The following ATP1B2 variants were observed in gnomAD, a reference collection of about 807,000 sequenced individuals.
The protein encoded by ATP1B2 is sodium/potassium-transporting ATPase subunit beta-2.
ATP1B2 carries 12 observed loss-of-function variants against 37.3 expected under a neutral mutation model. The ratio of observed to expected loss-of-function variants is 0.32; its 90% CI spans 0.21 to 0.52. The LOEUF (loss-of-function observed/expected upper bound fraction) is 0.52, where lower values mean the gene tolerates loss of function less well. Ranked by LOEUF, ATP1B2 falls within the 20% of genes least tolerant of loss-of-function variation. The pLI is 0.96. For synonymous variants in ATP1B2, 139 were observed against 140.5 expected (o/e 0.99, Z 0.07); for missense variants, 324 against 391.6 (o/e 0.83, Z 1.46).
At chr17:7,650,710 C>G (rs2072604705), upstream of ATP1B2, among the ~76,000 whole-genome samples, 1 of 152,056 alleles carries the variant, frequency 6.6e-6, no homozygotes, top group Non-Finnish European at 1.5e-5. Context: ...TCTCTTCCTC[C>G]CACCCTGTCC....
Position 7,655,461 on chromosome 17 carries a change from C to A in ATP1B2, c.610-66C>A. 6.8e-7 allele frequency: 1 copy of A among 1,470,596 alleles called. No individual in the cohort carries two copies. Among genetic ancestry groups the A allele is most frequent in the African/African-American group, 1.4e-5 (1 of 72,074 alleles). The allele number at this position is 1,470,596 out of a possible 1,614,324, so 91.1% of individuals were successfully genotyped here. ...GAAGAACAAAAGAACAAATGGAAGT[C>A]TGGTGAGCTCCTGGGTGCCTGCCAT... On this transcript the variant is annotated intron_variant, in intron 5 of 6. Transcript: ENST00000250111. The surrounding 1 kb of genome is among the most constrained non-coding windows in gnomAD (Gnocchi z 4.4).
chr17:7,656,047 C>T lies in ATP1B2; in HGVS notation c.*152C>T. On this transcript the variant is annotated 3_prime_UTR_variant, in exon 7 of 7. Coordinates refer to ENST00000250111, the MANE Select transcript of ATP1B2 (RefSeq NM_001678.5). ...ACATCCTTTTCCTTGACTTCTCAAC[C>T]CAGCCTGAAGTCCATTGCGGTTCCG... The T allele has an allele frequency of 9.3e-7, 1 of 1,080,842 alleles. No homozygotes were observed. The allele number at this position is 1,080,842 out of a possible 1,614,324, so 67.0% of individuals were successfully genotyped here.
In ATP1B2 at chr17:7,651,490, C is replaced by T; in HGVS notation, c.-29C>T. ...CCCGCTTCTCCGCAACCCCCCGCCC[C>T]GCGCCCGGACTCGCCCCGCGCCACC... On this transcript the variant is annotated 5_prime_UTR_variant, in exon 1 of 7. Coordinates refer to ENST00000250111, the MANE Select transcript of ATP1B2 (RefSeq NM_001678.5). The T allele has an allele frequency of 1.9e-6, 3 of 1,550,598 alleles. No individual in the cohort carries two copies. The highest frequency in any genetic ancestry group is 2.4e-5 in the South Asian group (2 of 84,672).
intron 1 of ATP1B2, among the ~76,000 whole-genome samples, chr17:7,653,127 C>T (rs2072624667): frequency 6.6e-6 from 1 of 152,134 alleles, no homozygotes; most frequent in Non-Finnish European, 1.5e-5. Context: ...AATAACAGAC[C>T]TCCACAAGGT....
chr17:7,651,228 A>G lies in ATP1B2; in HGVS notation c.-291A>G. 5.2e-6 allele frequency: 2 copies of G among 386,184 alleles called. No individual in the cohort carries two copies. The highest frequency in any genetic ancestry group is 9.6e-6 in the Non-Finnish European group (2 of 208,430). The allele number at this position is 386,184 out of a possible 1,614,324, so 23.9% of individuals were successfully genotyped here. A position where few individuals can be genotyped will look rare whatever the true frequency, so the allele number is the denominator to read the frequency against. On this transcript the variant is annotated 5_prime_UTR_variant, in exon 1 of 7. Coordinates refer to ENST00000250111, the MANE Select transcript of ATP1B2 (RefSeq NM_001678.5). ...TTCTAGACGGTTTGGTGGGGGGTGA[A>G]GCTGCATTCATACCCCTTCCTCTTG...
chr17:7,656,262 C>T lies in ATP1B2; in HGVS notation c.*367C>T. The T allele has an allele frequency of 3.8e-6, 1 of 261,760 alleles. No homozygotes were observed. Among genetic ancestry groups the T allele is most frequent in the Admixed American group, 4.9e-5 (1 of 20,588 alleles). 16.2% of individuals were successfully genotyped at this position (261,760 alleles called of 1,614,324 possible). A position where few individuals can be genotyped will look rare whatever the true frequency, so the allele number is the denominator to read the frequency against. On this transcript the variant is annotated 3_prime_UTR_variant, in exon 7 of 7. Coordinates refer to ENST00000250111, the MANE Select transcript of ATP1B2 (RefSeq NM_001678.5). ...CTGACCCACCCACCCACCTACACCC[C>T]CCGCCACACACACACACAAACGTGC...
upstream of ATP1B2, among the ~76,000 whole-genome samples, chr17:7,647,099 CAAAAAA>C (rs34937578): frequency 1.3e-5 from 1 of 78,312 alleles, no homozygotes; most frequent in Non-Finnish European, 2.6e-5. Flanking sequence ...GAGACTATCT[CAAAAAA>C]AAAAAAAAAA....
intron 1 of ATP1B2, among the ~76,000 whole-genome samples, chr17:7,652,325 G>A (rs1268584739): frequency 2.0e-5 from 3 of 151,730 alleles, no homozygotes; most frequent in Non-Finnish European, 1.5e-5. Flanking sequence ...CAGGACTCAG[G>A]GAGCTGTAGT....
chr17:7,653,755 TG>T, intron 2 of ATP1B2, 85 bp from the exon 3 acceptor site: 1 of 1,393,058 alleles, frequency 7.2e-7, no homozygotes, highest in Non-Finnish European at 1.0e-6. Flanking sequence ...GTCCCCACTC[TG>T]GTGTTCCCTG....
upstream of ATP1B2, among the ~76,000 whole-genome samples, chr17:7,648,008 G>C (rs1047750771): frequency 3.3e-5 from 5 of 152,056 alleles, no homozygotes; most frequent in Admixed American, 2.6e-4. Flanking sequence ...GATGTGGGTG[G>C]ATCCCTTGAG....
Position 7,654,110 on chromosome 17 carries a change from C to T in ATP1B2, c.405C>T (p.Tyr135=), listed in dbSNP as rs1209948984. 2 of 1,614,198 alleles carry T rather than the reference C, an allele frequency of 1.2e-6. No homozygotes were observed. Among genetic ancestry groups the T allele is most frequent in the South Asian group, 1.1e-5 (1 of 91,078 alleles). ...KNDVCRPGRY[Y]EQPDNGVLNY... is the part of the protein sequence containing the mutation. Reference sequence around the variant, plus strand: ...ATGTCTGCCGCCCTGGACGCTATTACGAACAGCCAGATAATGGAGTCCTCA... The same window carrying T: ...ATGTCTGCCGCCCTGGACGCTATTATGAACAGCCAGATAATGGAGTCCTCA... The change falls in exon 4 of 7, where the codon TAC becomes TAT. Residue 135 remains tyrosine, a synonymous_variant. Coordinates refer to ENST00000250111, the MANE Select transcript of ATP1B2 (RefSeq NM_001678.5). This position sits in a 1 kb window ranked among gnomAD's most constrained non-coding sequence, Gnocchi z 4.9.
chr17:7,654,564 G>A lies in ATP1B2; in HGVS notation c.553-64G>A. On this transcript the variant is annotated intron_variant, in intron 4 of 6. Coordinates refer to ENST00000250111, the MANE Select transcript of ATP1B2 (RefSeq NM_001678.5). This position sits in a 1 kb window ranked among gnomAD's most constrained non-coding sequence, Gnocchi z 4.9. ...GGACTACAGTCCCCGGCTTAGCTTGGTCTGGATGCCCATCTTCGACAACTT... is the reference window on the plus strand; with the variant it reads ...GGACTACAGTCCCCGGCTTAGCTTGATCTGGATGCCCATCTTCGACAACTT... The A allele has an allele frequency of 6.4e-7, 1 of 1,556,668 alleles. No individual in the cohort carries two copies.
rs969803840 is a variant in ATP1B2 at position 7,651,455 on chromosome 17, G to A, written c.-64G>A. On this transcript the variant is annotated 5_prime_UTR_variant, in exon 1 of 7. Coordinates refer to ENST00000250111, the MANE Select transcript of ATP1B2 (RefSeq NM_001678.5). ...TTTTGGGTGTGTGGAGGGCTTCAGC[G>A]CGCGGCGCCCCCGCTTCTCCGCAAC... 4.1e-6 allele frequency: 6 copies of A among 1,450,904 alleles called. No homozygotes were observed. The highest frequency in any genetic ancestry group is 5.0e-5 in the East Asian group (2 of 40,152). The allele number at this position is 1,450,904 out of a possible 1,614,324, so 89.9% of individuals were successfully genotyped here.
In ATP1B2 at chr17:7,654,657, G is replaced by A; in HGVS notation, c.582G>A (p.Gln194=). 6.2e-7 allele frequency: 1 copy of A among 1,614,164 alleles called. No individual in the cohort carries two copies. The highest frequency in any genetic ancestry group is 8.5e-7 in the Non-Finnish European group (1 of 1,180,040). Reference sequence around the variant, plus strand: ...TCAACTTCTATGCAGGAGCAAACCAGAGCATGAATGTTACCTGTGCTGGGA... The same window carrying A: ...TCAACTTCTATGCAGGAGCAAACCAAAGCATGAATGTTACCTGTGCTGGGA... ...RVINFYAGAN[Q]SMNVTCAGKR... The change falls in exon 5 of 7, where the codon CAG becomes CAA. Residue 194 remains glutamine, a synonymous_variant. Transcript: ENST00000250111. The surrounding 1 kb of genome is among the most constrained non-coding windows in gnomAD (Gnocchi z 4.9).
upstream of ATP1B2, among the ~76,000 whole-genome samples, chr17:7,647,184 G>A (rs571221686): frequency 5.3e-5 from 8 of 151,376 alleles, no homozygotes; most frequent in East Asian, 1.6e-3. Context: ...ACTTGGCTAT[G>A]AACGTGGAAA....
Position 7,654,815 on chromosome 17 carries a change from G to A in ATP1B2, c.609+131G>A. On this transcript the variant is annotated intron_variant, in intron 5 of 6. Coordinates refer to ENST00000250111, the MANE Select transcript of ATP1B2 (RefSeq NM_001678.5). The surrounding 1 kb of genome is among the most constrained non-coding windows in gnomAD (Gnocchi z 4.9). ...AGAGGCCCCATCACCATAGAAACAAGGGGGTAAGAGTGGGCTTTTGGGCTC... is the reference window on the plus strand; with the variant it reads ...AGAGGCCCCATCACCATAGAAACAAAGGGGTAAGAGTGGGCTTTTGGGCTC... 1 of 1,088,928 alleles carries A rather than the reference G, an allele frequency of 9.2e-7. No individual in the cohort carries two copies. Among genetic ancestry groups the A allele is most frequent in the Non-Finnish European group, 1.4e-6 (1 of 736,556 alleles). 67.5% of individuals were successfully genotyped at this position (1,088,928 alleles called of 1,614,324 possible). A position where few individuals can be genotyped will look rare whatever the true frequency, so the allele number is the denominator to read the frequency against.
chr17:7,654,923 A>G lies in ATP1B2; in HGVS notation c.609+239A>G. 1 of 517,614 alleles carries G rather than the reference A, an allele frequency of 1.9e-6. No individual in the cohort carries two copies. The allele number at this position is 517,614 out of a possible 1,614,324, so 32.1% of individuals were successfully genotyped here. ...AGGCCTGCTCTCCTAGGGGCCAGAC[A>G]CACGCCCTCCTCCACCAACGCCCTG... On this transcript the variant is annotated intron_variant, in intron 5 of 6. Transcript: ENST00000250111. This position sits in a 1 kb window ranked among gnomAD's most constrained non-coding sequence, Gnocchi z 4.9.
intron 1 of ATP1B2, 108 bp from the exon 2 acceptor site, chr17:7,653,266 G>A: frequency 6.6e-7 from 1 of 1,508,150 alleles, no homozygotes; most frequent in South Asian, 1.2e-5. Context: ...CTGTGGCTCT[G>A]TGATCAGTCC....
upstream of ATP1B2, among the ~76,000 whole-genome samples, chr17:7,647,627 T>G (rs1276567726): frequency 6.6e-6 from 1 of 152,090 alleles, no homozygotes; most frequent in African/African-American, 2.4e-5. Context: ...CAGACCAGAC[T>G]GACCAACATG....
Sources: allele counts gnomAD v4.1 joint callset (sites outside exome capture counted in the v4.1 genomes callset), GRCh38; gene constraint gnomAD v4.1.1; non-coding constraint Gnocchi (gnomAD v3.1); transcripts MANE v1.5; gene names NCBI Gene and HGNC (gene_info 2026-07-23, HGNC 2026-07-21).